Variants in TMC2 observed in about 807,000 individuals in gnomAD.
TMC2 encodes transmembrane channel like 2, also known as transmembrane channel-like protein 2.
TMC2 carries 102 observed loss-of-function variants against 105.9 expected under a neutral mutation model. That is an observed-to-expected ratio of 0.96 (90% CI 0.82 to 1.14). The LOEUF (loss-of-function observed/expected upper bound fraction) is 1.14, where lower values mean the gene tolerates loss of function less well. Among genes scored for constraint, TMC2 ranks in the 50% most tolerant of loss-of-function variants. TMC2 has a pLI of 0.00. For missense variants in TMC2, 1,093 were observed against 1,134.3 expected (o/e 0.96, Z 0.52); for synonymous variants, 402 against 422.8 (o/e 0.95, Z 0.60).
chr20:2,624,175 C>T, intron 16 of TMC2, 96 bp from the exon 17 acceptor site: 4 of 1,331,818 alleles, frequency 3.0e-6, no homozygotes, highest in Non-Finnish European at 4.1e-6. Flanking sequence ...CAGTGGCAGG[C>T]AGCAGCCCTG....
chr20:2,633,127 AAG>A (rs1242235884), intron 17 of TMC2, among the ~76,000 whole-genome samples: 1 of 152,232 alleles, frequency 6.6e-6, no homozygotes, highest in Non-Finnish European at 1.5e-5. Flanking sequence ...ACTGACTGGA[AAG>A]AGATTTTCTT....
At chr20:2,553,304 G>A (rs1431313048) in intron 2 of TMC2, among the ~76,000 whole-genome samples, 1 of 152,058 alleles carries the variant, frequency 6.6e-6, no homozygotes, top group Non-Finnish European at 1.5e-5. Flanking sequence ...TCATGAATGG[G>A]TGTTGTATTT....
chr20:2,621,216 G>A (rs1332738582), intron 16 of TMC2, among the ~76,000 whole-genome samples: 1 of 152,078 alleles, frequency 6.6e-6, no homozygotes, highest in African/African-American at 2.4e-5. Context: ...CAAAAAATTA[G>A]CCAGGTGTGG....
Position 2,603,430 on chromosome 20 carries a change from T to C in TMC2, c.1413+1129T>C, listed in dbSNP as rs538605759. ...AAAATCAGATTTAAGTCTAAATATA[T>C]CAGTGATTCTAATAGATGTAAATGG... On this transcript the variant is annotated intron_variant, in intron 11 of 19. Transcript: ENST00000358864. 2.0e-5 allele frequency among the ~76,000 whole-genome samples: 3 copies of C among 152,302 alleles called. No individual in the cohort carries two copies. In the South Asian group the frequency reaches 6.2e-4, roughly 32 times the overall value.
intron 7 of TMC2, among the ~76,000 whole-genome samples, chr20:2,581,181 A>G (rs115817373): frequency 0.027 from 4,107 of 152,296 alleles, 169 homozygotes; most frequent in African/African-American, 0.09. Context: ...CACTTTCAGG[A>G]CATTAAAAAC....
chr20:2,568,017 A>G (rs1202157846), intron 4 of TMC2, among the ~76,000 whole-genome samples: 1 of 152,212 alleles, frequency 6.6e-6, no homozygotes, highest in East Asian at 1.9e-4. Context: ...AATAAAAGAC[A>G]TAACATTAGT....
chr20:2,626,160 T>A (rs1415225274), intron 17 of TMC2, among the ~76,000 whole-genome samples: 1 of 152,232 alleles, frequency 6.6e-6, no homozygotes, highest in Non-Finnish European at 1.5e-5. Context: ...CTTAATCCTG[T>A]CAAGACTTGA....
chr20:2,545,218 AATAC>A (rs1256261695), intron 2 of TMC2, among the ~76,000 whole-genome samples: 1 of 152,058 alleles, frequency 6.6e-6, no homozygotes, highest in Non-Finnish European at 1.5e-5. Flanking sequence ...AAAATAAGTA[AATAC>A]ATACATACAT....
At position 2,635,960 on chromosome 20, in the gene TMC2, A is replaced by G; in HGVS notation, c.2341A>G (p.Ser781Gly). Reference sequence around the variant, plus strand: ...TTACTACCTGAACTCAGTTTCCAAAAGCCTTTCCCGAGCTAATGCCCAGCT... The same window carrying G: ...TTACTACCTGAACTCAGTTTCCAAAGGCCTTTCCCGAGCTAATGCCCAGCT... ...AIYYLNSVSK[S>G]LSRANAQLRK... The change falls in exon 18 of 20, where the codon AGC becomes GGC. Residue 781 changes from serine (S) to glycine (G), a missense_variant. Coordinates refer to ENST00000358864, the MANE Select transcript of TMC2 (RefSeq NM_080751.3). 2 of 1,614,126 alleles carry G rather than the reference A, an allele frequency of 1.2e-6. No individual in the cohort carries two copies. Among genetic ancestry groups the G allele is most frequent in the Non-Finnish European group, 1.7e-6 (2 of 1,180,002 alleles).
chr20:2,584,226 C>T (rs2086215409), intron 7 of TMC2, among the ~76,000 whole-genome samples: 3 of 151,854 alleles, frequency 2.0e-5, no homozygotes, highest in Admixed American at 1.3e-4. Flanking sequence ...GGGCGGATCA[C>T]GAGGTCAGGA....
intron 8 of TMC2, 48 bp from the exon 9 acceptor site, chr20:2,594,777 C>T: frequency 6.3e-7 from 1 of 1,584,182 alleles, no homozygotes; most frequent in Non-Finnish European, 8.6e-7. Flanking sequence ...TGGTAACCAC[C>T]AGCTCTGAGC....
At chr20:2,550,257 G>C (rs908611251) in intron 2 of TMC2, among the ~76,000 whole-genome samples, 2 of 152,158 alleles carry the variant, frequency 1.3e-5, no homozygotes, top group African/African-American at 4.8e-5. Context: ...GCTGAGGAGG[G>C]AGGATCACTT....
rs1011345125 is a variant in TMC2, at chr20:2,617,217, A to G, written c.2086A>G (p.Met696Val). The G allele has an allele frequency of 3.3e-5, 53 of 1,614,004 alleles. No individual in the cohort carries two copies. The highest frequency in any genetic ancestry group is 2.9e-4 in the East Asian group (13 of 44,892). ...FKASRSNNFYMGLLLLVLFLS... is the reference protein window; with the variant it reads ...FKASRSNNFYVGLLLLVLFLS... Reference sequence around the variant, plus strand: ...AGCCTCCCGATCCAACAACTTCTACATGGGCCTCCTGCTGCTGGTGCTCTT... The same window carrying G: ...AGCCTCCCGATCCAACAACTTCTACGTGGGCCTCCTGCTGCTGGTGCTCTT... The change falls in exon 16 of 20, where the codon ATG becomes GTG. Residue 696 changes from methionine to valine, a missense_variant. Physicochemically the swap from Met to Val is conservative, Grantham distance 21. Coordinates refer to ENST00000358864, the MANE Select transcript of TMC2 (RefSeq NM_080751.3).
intron 17 of TMC2, among the ~76,000 whole-genome samples, chr20:2,630,510 T>C (rs538474900): frequency 2.6e-5 from 4 of 152,326 alleles, no homozygotes; most frequent in Admixed American, 2.6e-4. Flanking sequence ...AATCTACTAT[T>C]ACCTTAAAAA....
intron 4 of TMC2, among the ~76,000 whole-genome samples, chr20:2,567,019 G>T (rs749337304): frequency 6.6e-6 from 1 of 152,218 alleles, no homozygotes; most frequent in Non-Finnish European, 1.5e-5. Context: ...GGGAAGCCTG[G>T]ATACCCACCT....
intron 2 of TMC2, among the ~76,000 whole-genome samples, chr20:2,553,101 T>A (rs960119116): frequency 2.0e-5 from 3 of 152,240 alleles, no homozygotes; most frequent in African/African-American, 7.2e-5. Flanking sequence ...ATCCTTTTAT[T>A]ATCTTACTGC....
chr20:2,553,518 G>T (rs1249350805), intron 2 of TMC2, among the ~76,000 whole-genome samples: 3 of 140,926 alleles, frequency 2.1e-5, no homozygotes, highest in Non-Finnish European at 4.7e-5. Context: ...TTGTATCTAT[G>T]TTTATAAGAG....
chr20:2,612,922 A>T (rs2086452074), intron 13 of TMC2, among the ~76,000 whole-genome samples: 1 of 152,202 alleles, frequency 6.6e-6, no homozygotes, highest in Non-Finnish European at 1.5e-5. Flanking sequence ...ACTAAGTTTC[A>T]CAATAGCCTT....
At chr20:2,562,121 C>A in intron 4 of TMC2, 111 bp downstream of exon 4, 1 of 1,337,460 alleles carries the variant, frequency 7.5e-7, no homozygotes, top group Non-Finnish European at 1.0e-6. Context: ...GAGGGGGCTG[C>A]TCCAGCGAGG....
Sources: allele counts gnomAD v4.1 joint callset (sites outside exome capture counted in the v4.1 genomes callset), GRCh38; gene constraint gnomAD v4.1.1; transcripts MANE v1.5; gene names NCBI Gene and HGNC (gene_info 2026-07-23, HGNC 2026-07-21).